Variants in ZCCHC7 observed in about 807,000 individuals in gnomAD.
The protein encoded by ZCCHC7 is zinc finger CCHC-type containing 7, also known as zinc finger CCHC domain-containing protein 7.
In ZCCHC7, 35 loss-of-function variants were observed where a neutral mutation model predicts 52.0. The observed-to-expected ratio is 0.67, with a 90% confidence interval of 0.51 to 0.89. The LOEUF (loss-of-function observed/expected upper bound fraction) is 0.89. Ranked by LOEUF, ZCCHC7 falls within the 40% of genes least tolerant of loss-of-function variation. The probability of loss-of-function intolerance (pLI) is 0.00; values close to 1 mark genes in which losing one functional copy is unlikely to be tolerated. For missense variants in ZCCHC7, 574 were observed against 649.1 expected, an observed-to-expected ratio of 0.88 and a Z score of 1.26; for synonymous variants, 217 against 221.5, an observed-to-expected ratio of 0.98 and a Z score of 0.18.
intron 2 of ZCCHC7, among the ~76,000 whole-genome samples, chr9:37,169,566 T>G (rs1821617159): frequency 6.6e-6 from 1 of 152,220 alleles, no homozygotes; most frequent in African/African-American, 2.4e-5. Flanking sequence ...CCAACATTGC[T>G]GGTTTTAGAA....
intron 5 of ZCCHC7, 132 bp downstream of exon 5, chr9:37,305,846 TATA>T: frequency 3.6e-6 from 3 of 838,822 alleles, no homozygotes; most frequent in Admixed American, 6.0e-5. Context: ...TATATATATA[TATA>T]TAGTCATGTC....
chr9:37,232,807 C>A (rs964217169), intron 2 of ZCCHC7, among the ~76,000 whole-genome samples: 2 of 152,158 alleles, frequency 1.3e-5, no homozygotes, highest in African/African-American at 4.8e-5. Context: ...CAAATCATTT[C>A]TTCCCTTTCT....
chr9:37,267,750 T>A (rs965352355), intron 2 of ZCCHC7, among the ~76,000 whole-genome samples: 1 of 151,918 alleles, frequency 6.6e-6, no homozygotes, highest in African/African-American at 2.4e-5. Flanking sequence ...TTTGTATTTT[T>A]AGTAGAGATG....
At chr9:37,274,331 CTTTTTTTTTTT>C (rs10653910) in intron 2 of ZCCHC7, among the ~76,000 whole-genome samples, 6 of 76,680 alleles carry the variant, frequency 7.8e-5, no homozygotes, top group East Asian at 7.5e-4. Flanking sequence ...TATCTAATTT[CTTTTTTTTTTT>C]TTTTTTTTTT....
At chr9:37,142,206 T>C (rs1333106686) in intron 2 of ZCCHC7, among the ~76,000 whole-genome samples, 3 of 151,734 alleles carry the variant, frequency 2.0e-5, no homozygotes, top group Non-Finnish European at 4.4e-5. Flanking sequence ...TGTTATGATA[T>C]ACTGTAAATA....
intron 5 of ZCCHC7, among the ~76,000 whole-genome samples, chr9:37,319,664 G>A (rs753970541): frequency 2.8e-4 from 43 of 152,078 alleles, no homozygotes; most frequent in African/African-American, 8.0e-4. Context: ...GGACTCAAGC[G>A]ATCTGCCTAC....
intron 2 of ZCCHC7, among the ~76,000 whole-genome samples, chr9:37,259,844 A>ACC (rs1826780703): frequency 1.3e-5 from 2 of 152,210 alleles, no homozygotes; most frequent in African/African-American, 4.8e-5. Context: ...ATCTTCAGGT[A>ACC]TGAAGATATG....
chr9:37,159,315 G>T, intron 2 of ZCCHC7, among the ~76,000 whole-genome samples: 1 of 152,114 alleles, frequency 6.6e-6, no homozygotes, highest in East Asian at 1.9e-4. Context: ...ATTAAAATAT[G>T]TGGTTACCTA....
At chr9:37,217,133 A>G (rs778305797) in intron 2 of ZCCHC7, among the ~76,000 whole-genome samples, 12 of 152,126 alleles carry the variant, frequency 7.9e-5, no homozygotes, top group Non-Finnish European at 1.0e-4. Flanking sequence ...GTTATGTTTT[A>G]TAGTTAGAAT....
chr9:37,200,819 T>C (rs1225917159), intron 2 of ZCCHC7, among the ~76,000 whole-genome samples: 1 of 152,270 alleles, frequency 6.6e-6, no homozygotes, highest in African/African-American at 2.4e-5. Context: ...TGCTTATCTT[T>C]TCTTCCCTTC....
chr9:37,199,339 T>C (rs1223250560), intron 2 of ZCCHC7, among the ~76,000 whole-genome samples: 2 of 148,936 alleles, frequency 1.3e-5, no homozygotes. Context: ...TTTTTTTTTT[T>C]TTTTTTCTTG....
chr9:37,172,578 T>C (rs1821788164), intron 2 of ZCCHC7, among the ~76,000 whole-genome samples: 2 of 152,234 alleles, frequency 1.3e-5, no homozygotes, highest in African/African-American at 4.8e-5. Flanking sequence ...CCAGCATTGG[T>C]ATTTTAATTT....
intron 2 of ZCCHC7, among the ~76,000 whole-genome samples, chr9:37,272,491 T>TAAAAAA (rs551495038): frequency 1.0e-5 from 1 of 97,824 alleles, no homozygotes; most frequent in African/African-American, 3.8e-5. Flanking sequence ...AGCTGTGTGG[T>TAAAAAA]AAAAAAAAAA....
intron 2 of ZCCHC7, among the ~76,000 whole-genome samples, chr9:37,234,938 GTTTTA>G (rs1825573438): frequency 6.6e-6 from 1 of 151,956 alleles, no homozygotes; most frequent in Admixed American, 6.6e-5. Context: ...AACTTTCTAA[GTTTTA>G]TTTTTATTTG....
At chr9:37,350,461 G>A (rs772688401) in intron 7 of ZCCHC7, among the ~76,000 whole-genome samples, 3 of 152,074 alleles carry the variant, frequency 2.0e-5, no homozygotes, top group Admixed American at 6.6e-5. Context: ...TAGTTCTCCC[G>A]TTTTCCCTGG....
rs1272229434 is a variant in ZCCHC7 at position 37,337,638 on chromosome 9, C to T, written c.987+9804C>T. ...TGGTCTGAAGCCTCATAGCACATTGCTTATTTATGCAGTCCATTTGCACCA... is the reference window on the plus strand; with the variant it reads ...TGGTCTGAAGCCTCATAGCACATTGTTTATTTATGCAGTCCATTTGCACCA... On this transcript the variant is annotated intron_variant, in intron 6 of 8. Transcript: ENST00000336755. 2.6e-5 allele frequency among the ~76,000 whole-genome samples: 4 copies of T among 151,976 alleles called. No individual in the cohort carries two copies. The South Asian group carries it at 6.2e-4, about 24-fold the overall frequency.
chr9:37,297,670 C>A (rs890627844), intron 2 of ZCCHC7, among the ~76,000 whole-genome samples: 1 of 152,196 alleles, frequency 6.6e-6, no homozygotes, highest in Non-Finnish European at 1.5e-5. Flanking sequence ...GATTCTTAGT[C>A]TCTGGCACCT....
chr9:37,189,816 C>T (rs1822923192), intron 2 of ZCCHC7, among the ~76,000 whole-genome samples: 2 of 152,132 alleles, frequency 1.3e-5, no homozygotes, highest in Admixed American at 1.3e-4. Context: ...CAGAACTGTC[C>T]AGTGTGTGTG....
Position 37,354,963 on chromosome 9 carries a change from C to T in ZCCHC7, c.1198+139C>T. The T allele has an allele frequency of 1.8e-6, 1 of 559,164 alleles. No homozygotes were observed. Among genetic ancestry groups the T allele is most frequent in the Non-Finnish European group, 3.1e-6 (1 of 320,596 alleles). 34.6% of individuals were successfully genotyped at this position (559,164 alleles called of 1,614,324 possible). ...TAATTACCAAAGAGACTGGAACTTT[C>T]TTGATCTCCAGAAACCAAGCACCCA... On this transcript the variant is annotated intron_variant, in intron 8 of 8. Coordinates refer to ENST00000336755, the MANE Select transcript of ZCCHC7 (RefSeq NM_032226.3). The surrounding 1 kb of genome is among the most constrained non-coding windows in gnomAD (Gnocchi z 4.0).
Sources: allele counts gnomAD v4.1 joint callset (sites outside exome capture counted in the v4.1 genomes callset), GRCh38; gene constraint gnomAD v4.1.1; non-coding constraint Gnocchi (gnomAD v3.1); transcripts MANE v1.5; gene names NCBI Gene and HGNC (gene_info 2026-07-23, HGNC 2026-07-21).